The following ZNF804B variants were observed in gnomAD, a reference collection of about 807,000 sequenced individuals.
ZNF804B encodes the protein zinc finger protein 804B, also known as zinc finger 804B.
ZNF804B carries 80 observed loss-of-function variants against 101.4 expected under a neutral mutation model. The ratio of observed to expected loss-of-function variants is 0.79; its 90% CI spans 0.66 to 0.95. The LOEUF is 0.95. ZNF804B is among the 40% of genes least tolerant of loss of function. The probability of loss-of-function intolerance (pLI) is 0.00; values close to 1 mark genes in which losing one functional copy is unlikely to be tolerated. For synonymous variants in ZNF804B, 622 were observed against 558.8 expected (o/e 1.11, Z -1.59); for missense variants, 1,673 against 1,561.9 (o/e 1.07, Z -1.20).
intron 1 of ZNF804B, among the ~76,000 whole-genome samples, chr7:88,902,565 T>C (rs1792408804): frequency 6.6e-6 from 1 of 152,052 alleles, no homozygotes; most frequent in Non-Finnish European, 1.5e-5. Flanking sequence ...GGCATTTTTA[T>C]GTTAAGCAAA....
intron 1 of ZNF804B, among the ~76,000 whole-genome samples, chr7:89,132,169 T>TAC (rs59188340): frequency 0.066 from 8,699 of 131,258 alleles, 300 homozygotes; most frequent in African/African-American, 0.13. Context: ...CACGCACACA[T>TAC]ACACACACAC....
intron 1 of ZNF804B, among the ~76,000 whole-genome samples, chr7:89,010,702 A>C (rs754114332): frequency 6.6e-6 from 1 of 152,198 alleles, no homozygotes; most frequent in Non-Finnish European, 1.5e-5. Context: ...AAAGAGTTAC[A>C]TGTTGTAAAG....
chr7:89,315,141 G>C (rs1212275108), intron 2 of ZNF804B, among the ~76,000 whole-genome samples: 1 of 152,086 alleles, frequency 6.6e-6, no homozygotes, highest in Admixed American at 6.6e-5. Flanking sequence ...CATGTCACAT[G>C]GTGAGAGCGA....
At chr7:88,814,260 ACAT>A (rs1466547301) in intron 1 of ZNF804B, among the ~76,000 whole-genome samples, 1 of 152,202 alleles carries the variant, frequency 6.6e-6, no homozygotes, top group Non-Finnish European at 1.5e-5. Context: ...AAAAAGGTGT[ACAT>A]CTGGCTATTA....
rs536739400 is a variant in ZNF804B at position 89,252,324 on chromosome 7, A to G, written c.249+34029A>G. ...GAAAAAATATCAAAACCACAATGAG[A>G]TACCATCTCACATCAGTCAGAATGG... is the stretch of plus-strand genomic sequence containing the variant. On this transcript the variant is annotated intron_variant, in intron 2 of 3. Coordinates refer to ENST00000333190, the MANE Select transcript of ZNF804B (RefSeq NM_181646.5). 2.0e-5 allele frequency among the ~76,000 whole-genome samples: 3 copies of G among 152,332 alleles called. No homozygotes were observed. In the South Asian group the frequency reaches 6.2e-4, roughly 32 times the overall value.
chr7:89,136,766 C>CGT (rs1330878941), intron 1 of ZNF804B, among the ~76,000 whole-genome samples: 3 of 146,040 alleles, frequency 2.1e-5, no homozygotes, highest in East Asian at 2.0e-4. Flanking sequence ...TGTGTGTGTG[C>CGT]GCGCACGTGT....
At chr7:88,961,165 T>A (rs1308301502) in intron 1 of ZNF804B, among the ~76,000 whole-genome samples, 1 of 151,486 alleles carries the variant, frequency 6.6e-6, no homozygotes, top group Non-Finnish European at 1.5e-5. Context: ...TAACTTGAAA[T>A]TGAACACATC....
chr7:89,188,377 C>G (rs1274882744), intron 1 of ZNF804B, among the ~76,000 whole-genome samples: 1 of 152,062 alleles, frequency 6.6e-6, no homozygotes, highest in Non-Finnish European at 1.5e-5. Context: ...CCCTATCTCT[C>G]TCCTTCTCCT....
At chr7:88,776,555 G>GTTTTTTTT (rs10630362) in intron 1 of ZNF804B, among the ~76,000 whole-genome samples, 15 of 106,450 alleles carry the variant, frequency 1.4e-4, no homozygotes, top group African/African-American at 3.0e-4. Flanking sequence ...TTCTCGTGGT[G>GTTTTTTTT]TTTTGTTTTT....
At chr7:89,154,104 T>C (rs905878478) in intron 1 of ZNF804B, among the ~76,000 whole-genome samples, 3 of 152,090 alleles carry the variant, frequency 2.0e-5, no homozygotes, top group African/African-American at 7.2e-5. Context: ...AAAGAAGACA[T>C]ACAAATGGCA....
intron 2 of ZNF804B, among the ~76,000 whole-genome samples, chr7:89,269,289 C>T (rs1468664819): frequency 6.6e-6 from 1 of 152,084 alleles, no homozygotes; most frequent in Non-Finnish European, 1.5e-5. Context: ...GTTCAATTCC[C>T]ACCTATGAGT....
chr7:89,139,149 A>T (rs1255447684), intron 1 of ZNF804B, among the ~76,000 whole-genome samples: 1 of 152,172 alleles, frequency 6.6e-6, no homozygotes, highest in Non-Finnish European at 1.5e-5. Context: ...TATAAAAGTT[A>T]TGTTTACACT....
intron 1 of ZNF804B, among the ~76,000 whole-genome samples, chr7:89,047,374 G>C (rs2116258534): frequency 6.6e-6 from 1 of 152,166 alleles, no homozygotes; most frequent in African/African-American, 2.4e-5. Flanking sequence ...ATATGAATTA[G>C]GGATAATGTG....
At chr7:89,086,570 A>G (rs1789804969) in intron 1 of ZNF804B, among the ~76,000 whole-genome samples, 1 of 151,976 alleles carries the variant, frequency 6.6e-6, no homozygotes, top group Non-Finnish European at 1.5e-5. Flanking sequence ...GGAAAGAGAC[A>G]AGATAGAATA....
At chr7:89,133,313 C>G (rs1412571284) in intron 1 of ZNF804B, among the ~76,000 whole-genome samples, 2 of 152,004 alleles carry the variant, frequency 1.3e-5, no homozygotes, top group African/African-American at 4.8e-5. Context: ...AGTCTGGGCC[C>G]TGAAGATGAG....
At chr7:89,041,960 C>T (rs991404809) in intron 1 of ZNF804B, among the ~76,000 whole-genome samples, 3 of 152,264 alleles carry the variant, frequency 2.0e-5, no homozygotes, top group Middle Eastern at 3.4e-3. Context: ...CCAGTATCAT[C>T]ATATATGACT....
intron 2 of ZNF804B, among the ~76,000 whole-genome samples, chr7:89,254,138 T>C (rs566517776): frequency 1.2e-4 from 19 of 152,242 alleles, no homozygotes; most frequent in African/African-American, 3.8e-4. Context: ...CATTGACGGT[T>C]CTAGCTAGTG....
intron 2 of ZNF804B, among the ~76,000 whole-genome samples, chr7:89,310,010 A>T (rs38939): frequency 0.46 from 70,256 of 151,104 alleles, 16,863 homozygotes; most frequent in East Asian, 0.79. Context: ...ATCAATAGCA[A>T]GTGAAGTTCT....
At chr7:88,951,546 A>C (rs1793223888) in intron 1 of ZNF804B, among the ~76,000 whole-genome samples, 1 of 151,950 alleles carries the variant, frequency 6.6e-6, no homozygotes, top group Admixed American at 6.6e-5. Context: ...TTATTTGATA[A>C]TATCTCCAAA....
Sources: allele counts gnomAD v4.1 joint callset (sites outside exome capture counted in the v4.1 genomes callset), GRCh38; gene constraint gnomAD v4.1.1; transcripts MANE v1.5; gene names NCBI Gene and HGNC (gene_info 2026-07-23, HGNC 2026-07-21).